The following ATP8B2 variants were observed in gnomAD, a reference collection of about 807,000 sequenced individuals.
ATP8B2 encodes phospholipid-transporting ATPase ID.
Under a neutral mutation model 133.4 loss-of-function variants are expected in ATP8B2, and 70 were observed. The ratio of observed to expected loss-of-function variants is 0.52; its 90% CI spans 0.43 to 0.64. The LOEUF is 0.64. Ranked by LOEUF, ATP8B2 falls within the 30% of genes least tolerant of loss-of-function variation. ATP8B2 has a pLI of 0.00. For synonymous variants in ATP8B2, 517 were observed against 589.5 expected (o/e 0.88, Z 1.78); for missense variants, 1,101 against 1,535.7 (o/e 0.72, Z 4.73).
chr1:154,333,930 C>T (rs568543813), intron 9 of ATP8B2, among the ~76,000 whole-genome samples, 177 bp from the exon 10 acceptor site: 3 of 152,334 alleles, frequency 2.0e-5, no homozygotes, highest in South Asian at 2.1e-4. Context: ...CTGCCGCGCC[C>T]GGCCTGCTTC....
Position 154,328,068 on chromosome 1 carries a change from C to T in ATP8B2, c.-37-37C>T. ...CATGAGGGGAGGGAAGGGTTATCCT[C>T]AGCTTCCTGACCTCATTCGTCTGTC... On this transcript the variant is annotated intron_variant, in intron 1 of 27. Transcript: ENST00000368489. This position sits in a 1 kb window ranked among gnomAD's most constrained non-coding sequence, Gnocchi z 4.6. The T allele has an allele frequency of 6.2e-7, 1 of 1,603,606 alleles. No individual in the cohort carries two copies. Among genetic ancestry groups the T allele is most frequent in the Non-Finnish European group, 8.5e-7 (1 of 1,170,444 alleles).
chr1:154,344,677 C>T lies in ATP8B2; in HGVS notation c.2178C>T (p.Ser726=), dbSNP rs1194587. ...AREKMMDSSR[S]VGNGFTYQDK... is the part of the protein sequence containing the mutation. ...AGAAGATGATGGACTCATCCCGCTC[C>T]GTAGGCAACGGCTTCACCTATCAGG... Residue 726 remains serine, a synonymous_variant, in exon 21 of 28, where the codon TCC becomes TCT. Coordinates refer to ENST00000368489, the MANE Select transcript of ATP8B2 (RefSeq NM_001370597.1). The surrounding 1 kb of genome is among the most constrained non-coding windows in gnomAD (Gnocchi z 4.1). The T allele has an allele frequency of 0.46, 732,848 of 1,610,510 alleles. 171,551 individuals carry two copies. Among genetic ancestry groups the T allele is most frequent in the East Asian group, 0.6 (26,940 of 44,732 alleles).
Position 154,342,395 on chromosome 1 carries a change from G to C in ATP8B2, c.1244-85G>C. 2.9e-6 allele frequency: 4 copies of C among 1,367,936 alleles called. No homozygotes were observed. In the Admixed American group the frequency reaches 6.7e-5, roughly 23 times the overall value. The allele number at this position is 1,367,936 out of a possible 1,614,324, so 84.7% of individuals were successfully genotyped here. A position where few individuals can be genotyped will look rare whatever the true frequency, so the allele number is the denominator to read the frequency against. ...AGGGTTGAGGGGCTCAGTGCCTACGGGGATTCTGCATTGGAGATGTTTTTC... is the reference window on the plus strand; with the variant it reads ...AGGGTTGAGGGGCTCAGTGCCTACGCGGATTCTGCATTGGAGATGTTTTTC... On this transcript the variant is annotated intron_variant, in intron 13 of 27. Coordinates refer to ENST00000368489, the MANE Select transcript of ATP8B2 (RefSeq NM_001370597.1).
intron 11 of ATP8B2, among the ~76,000 whole-genome samples, chr1:154,336,794 CTT>C (rs370012622): frequency 0.3 from 37,434 of 126,122 alleles, 5,020 homozygotes; most frequent in Middle Eastern, 0.39. Flanking sequence ...TGCACCTGGC[CTT>C]TTTTTTTTTT....
chr1:154,338,128 G>C (rs1283572363), intron 12 of ATP8B2, among the ~76,000 whole-genome samples: 4 of 152,332 alleles, frequency 2.6e-5, no homozygotes, highest in Middle Eastern at 6.8e-3. Context: ...GGCAGAGAGG[G>C]AGAGATGGCA....
rs1685853023 is a variant in ATP8B2, at chr1:154,328,133, C to T, written c.-9C>T. ...CTCCCATGGGATTGCTGGGATCTTG[C>T]TGGGTGAGATGGCAGTGTGTGCAAA... On this transcript the variant is annotated 5_prime_UTR_variant, in exon 2 of 28. Transcript: ENST00000368489. This position sits in a 1 kb window ranked among gnomAD's most constrained non-coding sequence, Gnocchi z 4.6. The T allele has an allele frequency of 6.2e-7, 1 of 1,614,074 alleles. No individual in the cohort carries two copies. The highest frequency in any genetic ancestry group is 8.5e-7 in the Non-Finnish European group (1 of 1,179,996).
Position 154,351,156 on chromosome 1 carries a change from C to T in ATP8B2, c.*2038C>T, listed in dbSNP as rs562463670. On this transcript the variant is annotated 3_prime_UTR_variant, in exon 28 of 28. Coordinates refer to ENST00000368489, the MANE Select transcript of ATP8B2 (RefSeq NM_001370597.1). The stretch of plus-strand genomic sequence containing the variant: ...TATATATTATTTTTTGGTTCTCTCT[C>T]GTTTTTTAGGGAGGGAAGAAAGTAC... 5.3e-5 allele frequency: 8 copies of T among 150,086 alleles called. No individual in the cohort carries two copies. Among genetic ancestry groups the T allele is most frequent in the Non-Finnish European group, 1.2e-4 (8 of 67,592 alleles). 9.3% of individuals were successfully genotyped at this position (150,086 alleles called of 1,614,324 possible).
chr1:154,337,251 GC>G (rs1686218960), intron 11 of ATP8B2, 96 bp from the exon 12 acceptor site: 1 of 1,428,432 alleles, frequency 7.0e-7, no homozygotes, highest in Admixed American at 2.2e-5. Context: ...GAGCATCTGA[GC>G]TTTTGAGGGC....
intron 12 of ATP8B2, among the ~76,000 whole-genome samples, chr1:154,339,324 T>G (rs1686298090): frequency 6.6e-6 from 1 of 152,244 alleles, no homozygotes; most frequent in Non-Finnish European, 1.5e-5. Flanking sequence ...ACTCAGGGCC[T>G]CACTTGATCT....
rs1204573124 is a variant in ATP8B2 at position 154,340,446 on chromosome 1, C to T, written c.1035-408C>T. 1 of 207,530 alleles carries T rather than the reference C, an allele frequency of 4.8e-6. No homozygotes were observed. The highest frequency in any genetic ancestry group is 1.1e-5 in the Non-Finnish European group (1 of 92,282). The allele number at this position is 207,530 out of a possible 1,614,324, so 12.9% of individuals were successfully genotyped here. A position where few individuals can be genotyped will look rare whatever the true frequency, so the allele number is the denominator to read the frequency against. On this transcript the variant is annotated intron_variant, in intron 12 of 27. Transcript: ENST00000368489. This position sits in a 1 kb window ranked among gnomAD's most constrained non-coding sequence, Gnocchi z 4.0. ...GTGGCGTCTGTGTTGCTGTGGCATG[C>T]ACAGCACCCTCATTATTTCTCTCTC...
At chr1:154,332,803 C>G in intron 9 of ATP8B2, 106 bp downstream of exon 9, 1 of 876,060 alleles carries the variant, frequency 1.1e-6, no homozygotes, top group Non-Finnish European at 1.8e-6. Context: ...TGTTATTATG[C>G]AACTCCCTGG....
Position 154,345,672 on chromosome 1 carries a change from T to G in ATP8B2, c.2694+127T>G. 7.6e-7 allele frequency: 1 copy of G among 1,313,990 alleles called. No individual in the cohort carries two copies. The highest frequency in any genetic ancestry group is 2.3e-5 in the East Asian group (1 of 43,298). The allele number at this position is 1,313,990 out of a possible 1,614,324, so 81.4% of individuals were successfully genotyped here. ...GGTACATACTCTTAAAAAATGCTTA[T>G]TAAAGGAGGAGAGAAGGAGCCTCAG... On this transcript the variant is annotated intron_variant, in intron 23 of 27. Coordinates refer to ENST00000368489, the MANE Select transcript of ATP8B2 (RefSeq NM_001370597.1). The surrounding 1 kb of genome is among the most constrained non-coding windows in gnomAD (Gnocchi z 5.6).
chr1:154,329,983 G>T (rs1340386505), intron 2 of ATP8B2, among the ~76,000 whole-genome samples: 1 of 152,160 alleles, frequency 6.6e-6, no homozygotes, highest in East Asian at 1.9e-4. Context: ...GACTAGATCT[G>T]CAGTGGTCCC....
At chr1:154,333,285 G>A (rs997073071) in intron 9 of ATP8B2, among the ~76,000 whole-genome samples, 4 of 152,058 alleles carry the variant, frequency 2.6e-5, no homozygotes, top group African/African-American at 9.6e-5. Flanking sequence ...AGCTAAGATC[G>A]TGCCACTGCA....
rs1460369026 is a variant in ATP8B2 at position 154,340,850 on chromosome 1, G to GA, written c.1035-4_1035-3insA. The GA allele has an allele frequency of 6.8e-6, 11 of 1,614,006 alleles. No individual in the cohort carries two copies. The highest frequency in any genetic ancestry group is 9.3e-6 in the Non-Finnish European group (11 of 1,180,004). On this transcript the variant is annotated splice_polypyrimidine_tract_variant and splice_region_variant and intron_variant, in intron 12 of 27. Coordinates refer to ENST00000368489, the MANE Select transcript of ATP8B2 (RefSeq NM_001370597.1). This position sits in a 1 kb window ranked among gnomAD's most constrained non-coding sequence, Gnocchi z 4.0. The stretch of plus-strand genomic sequence containing the variant: ...CCAAGCCTCACCTCTTGTCCCCTGT[G>GA]CAGTGTGGAGGTCATCCGTCTGGGC...
Position 154,337,337 on chromosome 1 carries a change from T to C in ATP8B2, c.838-11T>C, listed in dbSNP as rs1686222913. On this transcript the variant is annotated splice_polypyrimidine_tract_variant and intron_variant, in intron 11 of 27. Coordinates refer to ENST00000368489, the MANE Select transcript of ATP8B2 (RefSeq NM_001370597.1). The stretch of plus-strand genomic sequence containing the variant: ...ATGTCAGCCTCGCCTGTGCTTCTCA[T>C]TCCTCCCCAGATTTTTGGATTCCTG... The C allele has an allele frequency of 6.2e-7, 1 of 1,608,288 alleles. No individual in the cohort carries two copies. Among genetic ancestry groups the C allele is most frequent in the Non-Finnish European group, 8.5e-7 (1 of 1,176,278 alleles).
At chr1:154,347,868 G>T (rs1304749931) in intron 26 of ATP8B2, among the ~76,000 whole-genome samples, 2 of 151,600 alleles carry the variant, frequency 1.3e-5, no homozygotes, top group South Asian at 4.2e-4. Context: ...TTGAACCTGG[G>T]AGGTGGAGGT....
chr1:154,329,011 C>G (rs1359303155), intron 2 of ATP8B2: 2 of 1,304,076 alleles, frequency 1.5e-6, no homozygotes, highest in South Asian at 1.2e-5. Flanking sequence ...AGGAGATGCC[C>G]GAGAAGTGGG....
intron 13 of ATP8B2, 21 bp from the exon 14 acceptor site, chr1:154,342,459 T>C (rs1237365743): frequency 6.2e-7 from 1 of 1,613,326 alleles, no homozygotes; most frequent in Admixed American, 1.7e-5. Flanking sequence ...TTGCTTCTTT[T>C]TCTGCCCTGG....
Sources: allele counts gnomAD v4.1 joint callset (sites outside exome capture counted in the v4.1 genomes callset), GRCh38; gene constraint gnomAD v4.1.1; non-coding constraint Gnocchi (gnomAD v3.1); transcripts MANE v1.5; gene names NCBI Gene and HGNC (gene_info 2026-07-23, HGNC 2026-07-21).